The following PLXNC1 variants were observed in gnomAD, a reference collection of about 807,000 sequenced individuals.
The protein encoded by PLXNC1 is plexin-C1.
PLXNC1 carries 75 observed loss-of-function variants against 178.2 expected under a neutral mutation model. The observed-to-expected ratio is 0.42, with a 90% confidence interval of 0.35 to 0.51. PLXNC1 has a LOEUF of 0.51. PLXNC1 is among the 20% of genes least tolerant of loss of function. The pLI is 0.02. For synonymous variants in PLXNC1, 790 were observed against 779.9 expected, an observed-to-expected ratio of 1.01 and a Z score of -0.22; for missense variants, 1,503 against 1,984.4, an observed-to-expected ratio of 0.76 and a Z score of 4.61.
At chr12:94,152,405 T>G (rs539239860) in intron 1 of PLXNC1, among the ~76,000 whole-genome samples, 1 of 152,242 alleles carries the variant, frequency 6.6e-6, no homozygotes, top group Non-Finnish European at 1.5e-5. Flanking sequence ...TGGGTGCCAC[T>G]GATTTTGCCA....
chr12:94,208,995 T>A (rs1963386278), intron 4 of PLXNC1, among the ~76,000 whole-genome samples: 1 of 152,254 alleles, frequency 6.6e-6, no homozygotes, highest in Non-Finnish European at 1.5e-5. Context: ...TCTTTTGATA[T>A]AATTTGGTAT....
At chr12:94,253,211 GAAAAAAAAAAAA>G (rs35584186) in intron 15 of PLXNC1, among the ~76,000 whole-genome samples, 21 of 42,018 alleles carry the variant, frequency 5.0e-4, no homozygotes, top group Admixed American at 1.1e-3. Flanking sequence ...CTCCGTCTCA[GAAAAAAAAAAAA>G]AAAAAAAAAA....
chr12:94,169,554 G>A (rs1415894477), intron 2 of PLXNC1, among the ~76,000 whole-genome samples: 1 of 152,160 alleles, frequency 6.6e-6, no homozygotes, highest in African/African-American at 2.4e-5. Flanking sequence ...TCATAAGCCA[G>A]CTGGGTGAGG....
At chr12:94,230,214 G>T (rs1303782810) in intron 9 of PLXNC1, among the ~76,000 whole-genome samples, 2 of 152,138 alleles carry the variant, frequency 1.3e-5, no homozygotes, top group Non-Finnish European at 2.9e-5. Context: ...CCCTTTGGGG[G>T]ACTGGCTCTT....
chr12:94,300,747 T>C (rs1269776363), intron 27 of PLXNC1, among the ~76,000 whole-genome samples, 163 bp from the exon 28 acceptor site: 1 of 152,138 alleles, frequency 6.6e-6, no homozygotes, highest in East Asian at 1.9e-4. Flanking sequence ...CCTTTCTTCT[T>C]CTCTCCAAGT....
chr12:94,236,988 G>C (rs1312084261), intron 9 of PLXNC1, among the ~76,000 whole-genome samples: 2 of 152,142 alleles, frequency 1.3e-5, no homozygotes, highest in African/African-American at 4.8e-5. Flanking sequence ...TATGAAGCTA[G>C]GTAGCAAGGG....
In PLXNC1 at chr12:94,149,121, G is replaced by T; in HGVS notation, c.150G>T (p.Ala50=). 6.3e-7 allele frequency: 1 copy of T among 1,587,598 alleles called. No homozygotes were observed. The highest frequency in any genetic ancestry group is 8.5e-7 in the Non-Finnish European group (1 of 1,172,234). ...CGGAGCAAGCCATCGGAGCCATCGC[G>T]GCGAGCCAGGAGGACGGCGTGTTTG... is the stretch of plus-strand genomic sequence containing the variant. The part of the protein sequence containing the change: ...WRSEQAIGAI[A]ASQEDGVFVA... Residue 50 remains alanine (A), a synonymous_variant, in exon 1 of 31, where the codon GCG becomes GCT. Coordinates refer to ENST00000258526, the MANE Select transcript of PLXNC1 (RefSeq NM_005761.3).
chr12:94,190,722 T>G (rs1019860058), intron 4 of PLXNC1, among the ~76,000 whole-genome samples: 4 of 152,240 alleles, frequency 2.6e-5, no homozygotes, highest in African/African-American at 4.8e-5. Context: ...CTTTCCGTGA[T>G]CTGGCCTTTC....
intron 2 of PLXNC1, among the ~76,000 whole-genome samples, chr12:94,175,125 G>A (rs1235640533): frequency 6.6e-6 from 1 of 152,108 alleles, no homozygotes; most frequent in Non-Finnish European, 1.5e-5. Context: ...GCATGCACAG[G>A]CATGCACGTG....
intron 1 of PLXNC1, 140 bp from the exon 2 acceptor site, chr12:94,169,013 A>C: frequency 1.4e-5 from 10 of 726,050 alleles, no homozygotes; most frequent in Non-Finnish European, 2.0e-5. Context: ...CTCCCGGGGA[A>C]TCTAGTCTAA....
At chr12:94,278,662 G>C (rs1329177990) in intron 21 of PLXNC1, among the ~76,000 whole-genome samples, 2 of 152,122 alleles carry the variant, frequency 1.3e-5, no homozygotes, top group Admixed American at 1.3e-4. Flanking sequence ...AAAGCGGAGG[G>C]GTAGATGAAT....
chr12:94,297,286 T>A (rs767899577), intron 25 of PLXNC1, 30 bp from the exon 26 acceptor site: 4 of 1,612,568 alleles, frequency 2.5e-6, no homozygotes, highest in Non-Finnish European at 3.4e-6. Context: ...GTGGTCTCCT[T>A]GGGTAACGCT....
intron 23 of PLXNC1, among the ~76,000 whole-genome samples, chr12:94,284,262 A>T (rs189336309): frequency 6.6e-6 from 1 of 152,152 alleles, no homozygotes; most frequent in African/African-American, 2.4e-5. Flanking sequence ...TGTTAGTCCT[A>T]TGAAGGCAAT....
rs1968016993 is a variant in PLXNC1 at position 94,297,199 on chromosome 12, C to A, written c.3945C>A (p.Tyr1315Ter). 1 of 1,613,916 alleles carries A rather than the reference C, an allele frequency of 6.2e-7. No individual in the cohort carries two copies. Among genetic ancestry groups the A allele is most frequent in the South Asian group, 1.1e-5 (1 of 91,078 alleles). ...KIANFTSDVE[Y>*]SDDHCHLILP... is the part of the protein sequence containing the mutation. ...TTCTCTGGCATTCAGATGTGGAGTA[C>A]TCGGATGACCACTGCCATTTGGTGA... The change falls in exon 25 of 31, where the codon TAC (tyrosine) becomes TAA (stop). Residue 1315 changes from tyrosine to a stop codon, truncating the protein, a stop_gained. Coordinates refer to ENST00000258526, the MANE Select transcript of PLXNC1 (RefSeq NM_005761.3). LOFTEE classifies it high-confidence loss of function.
intron 1 of PLXNC1, among the ~76,000 whole-genome samples, chr12:94,160,155 C>G (rs956595037): frequency 2.0e-5 from 3 of 152,138 alleles, no homozygotes; most frequent in Non-Finnish European, 4.4e-5. Flanking sequence ...CCACACATCC[C>G]TGTTTGGGCT....
At position 94,259,794 on chromosome 12, in the gene PLXNC1, T is replaced by C. The variant is rs557008754; in HGVS notation, c.3251+60T>C. The C allele has an allele frequency of 2.7e-5, 40 of 1,455,138 alleles. No individual in the cohort carries two copies. In the Middle Eastern group the frequency reaches 7.3e-4, roughly 27 times the overall value. The allele number at this position is 1,455,138 out of a possible 1,614,324, so 90.1% of individuals were successfully genotyped here. ...TAAGAAAAAATCAGGCCGGGCATGGTGGCTCATGGCTGTAATCCCAGCATT... is the reference window on the plus strand; with the variant it reads ...TAAGAAAAAATCAGGCCGGGCATGGCGGCTCATGGCTGTAATCCCAGCATT... On this transcript the variant is annotated intron_variant, in intron 19 of 30. Transcript: ENST00000258526.
intron 23 of PLXNC1, among the ~76,000 whole-genome samples, chr12:94,288,197 A>T (rs1241537737): frequency 6.6e-6 from 1 of 152,186 alleles, no homozygotes; most frequent in Non-Finnish European, 1.5e-5. Flanking sequence ...TTCTCTTAAA[A>T]TCCCAGGGTG....
At chr12:94,167,283 G>A (rs1302311370) in intron 1 of PLXNC1, among the ~76,000 whole-genome samples, 3 of 152,172 alleles carry the variant, frequency 2.0e-5, no homozygotes, top group African/African-American at 7.2e-5. Context: ...CTGTATACCA[G>A]ACCTGGCTGT....
chr12:94,265,167 C>T lies in PLXNC1; in HGVS notation c.3539C>T (p.Ala1180Val). 1 of 1,614,060 alleles carries T rather than the reference C, an allele frequency of 6.2e-7. No homozygotes were observed. Among genetic ancestry groups the T allele is most frequent in the Non-Finnish European group, 8.5e-7 (1 of 1,179,950 alleles). Residue 1180 changes from alanine (A) to valine (V), a missense_variant, in exon 21 of 31, where the codon GCC becomes GTC. Around this residue, in one of 4 missense-constraint regions of PLXNC1, gnomAD observed 639 missense variants for 979.7 expected, o/e 0.65. Coordinates refer to ENST00000258526, the MANE Select transcript of PLXNC1 (RefSeq NM_005761.3). ...KGPVDVITCK[A>V]LYTLNEDWLL... is the part of the protein sequence containing the mutation. ...CCCGTGGATGTAATCACTTGCAAAG[C>T]CCTGTACACACTTAATGAAGACTGG... is the stretch of plus-strand genomic sequence containing the variant.
Sources: allele counts gnomAD v4.1 joint callset (sites outside exome capture counted in the v4.1 genomes callset), GRCh38; gene constraint gnomAD v4.1.1; regional missense constraint gnomAD v4.1.1; transcripts MANE v1.5; gene names NCBI Gene and HGNC (gene_info 2026-07-23, HGNC 2026-07-21).